Variants in L3HYPDH observed in about 807,000 individuals in gnomAD.
L3HYPDH encodes trans-L-3-hydroxyproline dehydratase.
In L3HYPDH, 32 loss-of-function variants were observed where a neutral mutation model predicts 26.5. The observed-to-expected ratio is 1.21, with a 90% CI of 0.91 to 1.62. The LOEUF (loss-of-function observed/expected upper bound fraction) is 1.62, where lower values mean the gene tolerates loss of function less well. Ranked by LOEUF, L3HYPDH falls within the 40% of genes most tolerant of loss-of-function variation. The probability of loss-of-function intolerance (pLI) is 0.00; values close to 1 mark genes in which losing one functional copy is unlikely to be tolerated. For missense variants in L3HYPDH, 554 were observed against 476.4 expected, an observed-to-expected ratio of 1.16 and a Z score of -1.52; for synonymous variants, 215 against 196.6, an observed-to-expected ratio of 1.09 and a Z score of -0.78.
downstream of L3HYPDH, among the ~76,000 whole-genome samples, chr14:59,471,750 A>C (rs1889315897): frequency 6.6e-6 from 1 of 152,178 alleles, no homozygotes; most frequent in African/African-American, 2.4e-5. Context: ...TGAGATTTGG[A>C]GGGAAAATAC....
chr14:59,486,688 T>C (rs774269687), upstream of L3HYPDH: 3 of 1,454,334 alleles, frequency 2.1e-6, no homozygotes, highest in South Asian at 1.2e-5. Flanking sequence ...AAGATGTTAC[T>C]ATACTGGCAT....
intron 1 of L3HYPDH, among the ~76,000 whole-genome samples, chr14:59,466,899 G>A (rs1168712099): frequency 6.6e-6 from 1 of 152,060 alleles, no homozygotes; most frequent in Admixed American, 6.6e-5. Context: ...AACTAAAACT[G>A]TCTTCAGATA....
At chr14:59,502,765 T>G in the L3HYPDH span, among the ~76,000 whole-genome samples, 6 of 134,688 alleles carry the variant, frequency 4.5e-5, no homozygotes, top group East Asian at 2.1e-4. Flanking sequence ...TTTTTTTTTT[T>G]TTTTTTTTCG....
upstream of L3HYPDH, chr14:59,486,602 T>C (rs576009920): frequency 2.1e-5 from 15 of 724,152 alleles, no homozygotes; most frequent in African/African-American, 2.3e-4. Flanking sequence ...GTCTAATACA[T>C]ATTATTCAAA....
upstream of L3HYPDH, among the ~76,000 whole-genome samples, chr14:59,485,288 A>C (rs1401803614): frequency 1.3e-5 from 2 of 152,230 alleles, no homozygotes; most frequent in Non-Finnish European, 2.9e-5. Flanking sequence ...GAAAAACCTG[A>C]AATATTCATT....
chr14:59,481,461 G>A lies in L3HYPDH; in HGVS notation c.509-2110C>T, dbSNP rs371458445. On this transcript the variant is annotated intron_variant, in intron 1 of 4. Transcript: ENST00000247194. ...CTTGGGGTCAAACCCAGGACCAGGT[G>A]ACTCCAAAGCCCAAACCCTTTCTAC... Among the ~76,000 whole-genome samples the A allele has an allele frequency of 3.5e-4, 54 of 152,218 alleles. 2 individuals are homozygous for A. The highest frequency in any genetic ancestry group is 1.4e-3 in the Admixed American group (22 of 15,282).
At chr14:59,502,755 T>TGTTGTTTTTTTTTTGTTTTTG in the L3HYPDH span, among the ~76,000 whole-genome samples, 1 of 122,918 alleles carries the variant, frequency 8.1e-6, no homozygotes, top group Non-Finnish European at 1.6e-5. Flanking sequence ...ATGAGATTTT[T>TGTTGTTTTTTTTTTGTTTTTG]TTTTTTTTTT....
At position 59,484,348 on chromosome 14, in the gene L3HYPDH, G is replaced by C. The variant is rs1446791691; in HGVS notation, c.-32C>G. 1.9e-6 allele frequency: 3 copies of C among 1,550,402 alleles called. No individual in the cohort carries two copies. Among genetic ancestry groups the C allele is most frequent in the Non-Finnish European group, 2.6e-6 (3 of 1,152,512 alleles). On this transcript the variant is annotated 5_prime_UTR_variant, in exon 1 of 5. Coordinates refer to ENST00000247194, the MANE Select transcript of L3HYPDH (RefSeq NM_144581.2). ...CGTCGGGGGAGACGAGTACGGTCCCGCAGCTATGGCTTCAAGCCCGACCCT... is the reference window on the plus strand; with the variant it reads ...CGTCGGGGGAGACGAGTACGGTCCCCCAGCTATGGCTTCAAGCCCGACCCT...
rs1890301068 is a variant in L3HYPDH, at chr14:59,484,148, G to C, written c.169C>G (p.His57Asp). The C allele has an allele frequency of 6.2e-7, 1 of 1,601,228 alleles. No individual in the cohort carries two copies. Among genetic ancestry groups the C allele is most frequent in the African/African-American group, 1.3e-5 (1 of 74,896 alleles). Residue 57 changes from histidine to aspartate, a missense_variant, in exon 1 of 5, where the codon CAC (histidine) becomes GAC (aspartate). His to Asp is a moderately conservative substitution (Grantham distance 81, BLOSUM62 -1). Coordinates refer to ENST00000247194, the MANE Select transcript of L3HYPDH (RefSeq NM_144581.2). ...AGCCGTCGCCGCACGTGGTCAAGGT[G>C]CTGGCGCATGTAGCGCCGCTTGGCC... ...LLAKRRYMRQ[H>D]LDHVRRRLMF...
the L3HYPDH span, among the ~76,000 whole-genome samples, chr14:59,499,165 A>G: frequency 4.0e-5 from 6 of 151,550 alleles, no homozygotes; most frequent in African/African-American, 4.8e-5. Flanking sequence ...CTGGGACTAC[A>G]GGCATGTGCC....
chr14:59,479,232 T>C lies in L3HYPDH; in HGVS notation c.628A>G (p.Arg210Gly). The stretch of plus-strand genomic sequence containing the variant: ...GCACTCGCTGCATCCACAAGGTCCC[T>C]GGTCTTTGCAGAACAAATGTCTAGT... ...LGLDICSAKT[R>G]DLVDAASAVT... is the part of the protein sequence containing the mutation. Residue 210 changes from arginine to glycine, a missense_variant, in exon 2 of 5, where the codon AGG (arginine) becomes GGG (glycine). Arg to Gly is a moderately radical substitution (Grantham distance 125). Coordinates refer to ENST00000247194, the MANE Select transcript of L3HYPDH (RefSeq NM_144581.2). 2 of 1,613,418 alleles carry C rather than the reference T, an allele frequency of 1.2e-6. No homozygotes were observed. Among genetic ancestry groups the C allele is most frequent in the Non-Finnish European group, 8.5e-7 (1 of 1,179,876 alleles).
At chr14:59,496,012 T>C in the L3HYPDH span, among the ~76,000 whole-genome samples, 4 of 152,242 alleles carry the variant, frequency 2.6e-5, no homozygotes, top group East Asian at 3.8e-4. Context: ...CAAGTGATTC[T>C]TGTGCCTCAG....
downstream of L3HYPDH, among the ~76,000 whole-genome samples, chr14:59,468,071 C>G (rs1488798469): frequency 6.6e-6 from 1 of 151,346 alleles, no homozygotes; most frequent in Non-Finnish European, 1.5e-5. Context: ...TAAAAAAATT[C>G]TTCATGCCAC....
At chr14:59,466,856 CG>C (rs1163784863) in intron 1 of L3HYPDH, among the ~76,000 whole-genome samples, 1 of 152,166 alleles carries the variant, frequency 6.6e-6, no homozygotes, top group African/African-American at 2.4e-5. Context: ...TTCCTACCTA[CG>C]AGATGCCAGT....
At position 59,484,232 on chromosome 14, in the gene L3HYPDH, C is replaced by A; in HGVS notation, c.85G>T (p.Gly29Cys). Residue 29 changes from glycine (G) to cysteine (C), a missense_variant, in exon 1 of 5, where the codon GGC becomes TGC. Gly to Cys is a radical substitution (Grantham distance 159, BLOSUM62 -3). Transcript: ENST00000247194. ...GCCAGCACGATACGCAAGGGCTCGC[C>A]GCCCGTGTGCATGTCCACCACCGAC... ...VLSVVDMHTG[G>C]EPLRIVLAGC... The A allele has an allele frequency of 2.5e-6, 4 of 1,598,390 alleles. No individual in the cohort carries two copies. The highest frequency in any genetic ancestry group is 1.1e-5 in the South Asian group (1 of 91,054).
At chr14:59,495,866 T>C in the L3HYPDH span, among the ~76,000 whole-genome samples, 1 of 150,970 alleles carries the variant, frequency 6.6e-6, no homozygotes, top group Non-Finnish European at 1.5e-5. Flanking sequence ...CAACCAGATA[T>C]CTTAGAAAAA....
Position 59,484,266 on chromosome 14 carries a change from C to T in L3HYPDH, c.51G>A (p.Thr17=). 6.3e-7 allele frequency: 1 copy of T among 1,597,296 alleles called. No homozygotes were observed. The highest frequency in any genetic ancestry group is 1.3e-5 in the African/African-American group (1 of 75,032). The change falls in exon 1 of 5, where the codon ACG becomes ACA. Residue 17 remains threonine (T), a synonymous_variant. Coordinates refer to ENST00000247194, the MANE Select transcript of L3HYPDH (RefSeq NM_144581.2). ...GCATGTCCACCACCGACAGCACCGG[C>T]GTCCCTGGATCATGCGGGGGCAGCC... ...VPRLPPHDPG[T]PVLSVVDMHT... is the part of the protein sequence containing the mutation.
chr14:59,469,442 C>T (rs1889260633), downstream of L3HYPDH, among the ~76,000 whole-genome samples: 1 of 151,734 alleles, frequency 6.6e-6, no homozygotes, highest in African/African-American at 2.4e-5. Context: ...GTAATCCCAG[C>T]TACTCAGGAG....
At chr14:59,502,146 T>A in the L3HYPDH span, among the ~76,000 whole-genome samples, 1 of 152,174 alleles carries the variant, frequency 6.6e-6, no homozygotes, top group African/African-American at 2.4e-5. Flanking sequence ...ATCTGACATT[T>A]TCTTTCTAAA....
Sources: allele counts gnomAD v4.1 joint callset (sites outside exome capture counted in the v4.1 genomes callset), GRCh38; gene constraint gnomAD v4.1.1; transcripts MANE v1.5; gene names NCBI Gene and HGNC (gene_info 2026-07-23, HGNC 2026-07-21).